The following GLIS3 variants were observed in gnomAD, a reference collection of about 807,000 sequenced individuals.
The protein encoded by GLIS3 is GLIS family zinc finger 3.
Under a neutral mutation model 78.6 loss-of-function variants are expected in GLIS3, and 53 were observed. The observed-to-expected ratio is 0.67, with a 90% CI of 0.54 to 0.85. The LOEUF (loss-of-function observed/expected upper bound fraction) is 0.85. Among genes scored for constraint, GLIS3 ranks in the 40% least tolerant of loss-of-function variants. GLIS3 has a pLI of 0.00. For synonymous variants in GLIS3, 684 were observed against 509.9 expected, an observed-to-expected ratio of 1.34 and a Z score of -4.60; for missense variants, 1,703 against 1,231.1, an observed-to-expected ratio of 1.38 and a Z score of -5.74.
chr9:3,865,136 C>G (rs1820486129), intron 8 of GLIS3, among the ~76,000 whole-genome samples: 1 of 152,108 alleles, frequency 6.6e-6, no homozygotes, highest in Non-Finnish European at 1.5e-5. Context: ...GAAATTTTTT[C>G]TCCTTCTAAC....
chr9:3,868,949 C>G (rs1435257567), intron 8 of GLIS3, among the ~76,000 whole-genome samples: 2 of 152,156 alleles, frequency 1.3e-5, no homozygotes, highest in African/African-American at 2.4e-5. Flanking sequence ...GTTATGTGCT[C>G]TTTCTGTATG....
intron 4 of GLIS3, among the ~76,000 whole-genome samples, chr9:3,971,093 TAGA>T (rs879524294): frequency 0.47 from 68,624 of 147,462 alleles, 15,939 homozygotes; most frequent in East Asian, 0.49. Context: ...GAAGGAAGGA[TAGA>T]TCGAAGGAAG....
At chr9:4,158,697 A>G (rs1196817350) in intron 2 of GLIS3, among the ~76,000 whole-genome samples, 4 of 152,252 alleles carry the variant, frequency 2.6e-5, no homozygotes, top group Admixed American at 6.5e-5. Flanking sequence ...CAAGGATACA[A>G]TGGTAAATAA....
In GLIS3 at chr9:3,879,418, T is replaced by C; in HGVS notation, c.2297+9A>G. On this transcript the variant is annotated intron_variant, in intron 8 of 10. Coordinates refer to ENST00000381971, the MANE Select transcript of GLIS3 (RefSeq NM_001042413.2). ...ACACCTATTAGGAGAGAGAGACAGA[T>C]GGCCTTACCTCTCAGCTCCTGCGTC... is the stretch of plus-strand genomic sequence containing the variant. 3.7e-6 allele frequency: 6 copies of C among 1,613,602 alleles called. No homozygotes were observed. The highest frequency in any genetic ancestry group is 1.1e-5 in the South Asian group (1 of 91,064).
At chr9:3,837,518 G>A (rs1293365710) in intron 9 of GLIS3, among the ~76,000 whole-genome samples, 3 of 152,292 alleles carry the variant, frequency 2.0e-5, no homozygotes, top group South Asian at 2.1e-4. Flanking sequence ...GGAAGCAACC[G>A]AGATTTCCTT....
intron 6 of GLIS3, among the ~76,000 whole-genome samples, chr9:3,917,432 T>A (rs17694370): frequency 0.029 from 4,463 of 152,268 alleles, 100 homozygotes; most frequent in Non-Finnish European, 0.04. Context: ...AAACCCTCCA[T>A]TGAAATTCAT....
chr9:3,887,770 A>C (rs1822176340), intron 7 of GLIS3, among the ~76,000 whole-genome samples: 1 of 152,218 alleles, frequency 6.6e-6, no homozygotes, highest in Non-Finnish European at 1.5e-5. Context: ...ACCAGGTCTA[A>C]TTAACTTCAT....
chr9:4,378,818 C>T, the GLIS3 span, among the ~76,000 whole-genome samples: 3 of 152,234 alleles, frequency 2.0e-5, no homozygotes, highest in African/African-American at 7.2e-5. Flanking sequence ...GCTTGTATGG[C>T]AGAAGCACCT....
chr9:4,047,682 C>T (rs755163206), intron 4 of GLIS3, among the ~76,000 whole-genome samples: 7 of 152,072 alleles, frequency 4.6e-5, no homozygotes, highest in Non-Finnish European at 8.8e-5. Flanking sequence ...TGTAATATAA[C>T]GATGTCAGTA....
chr9:3,830,540 A>G (rs1817984049), intron 9 of GLIS3, among the ~76,000 whole-genome samples: 1 of 152,172 alleles, frequency 6.6e-6, no homozygotes. Context: ...AAGGAAGTCC[A>G]TCTCTAACGT....
At chr9:4,202,383 C>T (rs1281994701) in intron 2 of GLIS3, among the ~76,000 whole-genome samples, 2 of 150,664 alleles carry the variant, frequency 1.3e-5, no homozygotes, top group Non-Finnish European at 3.0e-5. Flanking sequence ...GAACTCCTGA[C>T]CTTGTGATCC....
At chr9:4,459,949 G>C in the GLIS3 span, among the ~76,000 whole-genome samples, 1 of 152,246 alleles carries the variant, frequency 6.6e-6, no homozygotes, top group Admixed American at 6.5e-5. Context: ...GAGAGGGAAT[G>C]ACACAGATGA....
At chr9:4,419,391 G>A in the GLIS3 span, among the ~76,000 whole-genome samples, 4 of 152,242 alleles carry the variant, frequency 2.6e-5, no homozygotes, top group African/African-American at 4.8e-5. Flanking sequence ...GCATAATTCC[G>A]GCATCTGCTC....
At chr9:4,249,372 C>T (rs1402122587) in intron 2 of GLIS3, among the ~76,000 whole-genome samples, 1 of 152,062 alleles carries the variant, frequency 6.6e-6, no homozygotes, top group Non-Finnish European at 1.5e-5. Context: ...GTATTTTATC[C>T]TCTTTGTAGC....
At chr9:3,831,287 G>A (rs1383794708) in intron 9 of GLIS3, among the ~76,000 whole-genome samples, 1 of 152,148 alleles carries the variant, frequency 6.6e-6, no homozygotes, top group Non-Finnish European at 1.5e-5. Context: ...ATGCCCAAAG[G>A]CATGGTTTCA....
chr9:4,392,852 C>T, the GLIS3 span, among the ~76,000 whole-genome samples: 1 of 152,038 alleles, frequency 6.6e-6, no homozygotes. Flanking sequence ...CACATAGATG[C>T]CCTTTGCCAG....
chr9:4,039,120 C>T (rs1472975101), intron 4 of GLIS3, among the ~76,000 whole-genome samples: 1 of 152,140 alleles, frequency 6.6e-6, no homozygotes, highest in Non-Finnish European at 1.5e-5. Context: ...CCTTTGGGAA[C>T]ACTTTAAGGA....
intron 2 of GLIS3, among the ~76,000 whole-genome samples, chr9:4,233,153 CTG>C: frequency 6.6e-6 from 1 of 152,322 alleles, no homozygotes; most frequent in Middle Eastern, 3.4e-3. Flanking sequence ...TGTTCCCAGG[CTG>C]TCTTTGATCT....
At chr9:4,253,036 G>T (rs1162076718) in intron 2 of GLIS3, among the ~76,000 whole-genome samples, 1 of 152,212 alleles carries the variant, frequency 6.6e-6, no homozygotes, top group Non-Finnish European at 1.5e-5. Context: ...TCTCCTGTAT[G>T]AAGTCTCTGT....
Sources: allele counts gnomAD v4.1 joint callset (sites outside exome capture counted in the v4.1 genomes callset), GRCh38; gene constraint gnomAD v4.1.1; transcripts MANE v1.5; gene names NCBI Gene and HGNC (gene_info 2026-07-23, HGNC 2026-07-21).